The following SSPN variants were observed in gnomAD, a reference collection of about 807,000 sequenced individuals.
SSPN encodes the protein K-ras oncogene-associated protein.
Under a neutral mutation model 19.1 loss-of-function variants are expected in SSPN, and 15 were observed. That is an observed-to-expected ratio of 0.78 (90% confidence interval 0.52 to 1.21). The LOEUF is 1.21. Among genes scored for constraint, SSPN ranks in the 50% most tolerant of loss-of-function variants. SSPN has a pLI of 0.00. For missense variants in SSPN, 291 were observed against 314.0 expected (o/e 0.93, Z 0.55); for synonymous variants, 147 against 140.3 (o/e 1.05, Z -0.34).
Position 26,195,781 on chromosome 12 carries a change from A to G in SSPN, c.109A>G (p.Lys37Glu). 1 of 1,518,670 alleles carries G rather than the reference A, an allele frequency of 6.6e-7. No individual in the cohort carries two copies. Among genetic ancestry groups the G allele is most frequent in the African/African-American group, 1.4e-5 (1 of 70,414 alleles). The allele number at this position is 1,518,670 out of a possible 1,614,324, so 94.1% of individuals were successfully genotyped here. Residue 37 changes from lysine to glutamate, a missense_variant, in exon 1 of 3, where the codon AAG becomes GAG. Lys to Glu is a moderately conservative substitution (Grantham distance 56). This residue lies in a region of SSPN where 139 missense variants were observed against 119.6 expected (regional missense o/e 1.16). Coordinates refer to ENST00000242729, the MANE Select transcript of SSPN (RefSeq NM_005086.5). The stretch of plus-strand genomic sequence containing the variant: ...GCCGAAGAAGGGCACGGGGGCCCCC[A>G]AGGAGTGCGGGGAGGAGGAGCCCCG... Reference protein sequence around the residue: ...MEPKKGTGAPKECGEEEPRTC... With the variant: ...MEPKKGTGAPEECGEEEPRTC...
At chr12:26,178,931 G>A (rs1944701504) in intron 1 of SSPN, among the ~76,000 whole-genome samples, 1 of 152,170 alleles carries the variant, frequency 6.6e-6, no homozygotes, top group African/African-American at 2.4e-5. Context: ...CTCACCATGG[G>A]CCAGTCTATG....
In SSPN at chr12:26,232,498, G is replaced by C; in HGVS notation, c.*1422G>C. 1 of 985,320 alleles carries C rather than the reference G, an allele frequency of 1.0e-6. No homozygotes were observed. Among genetic ancestry groups the C allele is most frequent in the South Asian group, 4.7e-5 (1 of 21,290 alleles). 61.0% of individuals were successfully genotyped at this position (985,320 alleles called of 1,614,324 possible). On this transcript the variant is annotated 3_prime_UTR_variant, in exon 3 of 3. Coordinates refer to ENST00000242729, the MANE Select transcript of SSPN (RefSeq NM_005086.5). ...ATGCTTTGTTGAAAGCAGAAATTAA[G>C]ATAATAATTGAGTTCAATTCGCCTC...
rs1945245864 is a variant in SSPN at position 26,232,682 on chromosome 12, TAA to T, written c.*1607_*1608del. On this transcript the variant is annotated 3_prime_UTR_variant, in exon 3 of 3. Coordinates refer to ENST00000242729, the MANE Select transcript of SSPN (RefSeq NM_005086.5). ...AAATATCCAGTATAAAGGAAAGCGTTAAGTCGGTAAGCTAGAGGATTGTAAAT... is the reference window on the plus strand; with the variant it reads ...AAATATCCAGTATAAAGGAAAGCGTTGTCGGTAAGCTAGAGGATTGTAAAT... 1.0e-6 allele frequency: 1 copy of T among 985,044 alleles called. No individual in the cohort carries two copies. The allele number at this position is 985,044 out of a possible 1,614,324, so 61.0% of individuals were successfully genotyped here. A position where few individuals can be genotyped will look rare whatever the true frequency, so the allele number is the denominator to read the frequency against.
intron 1 of SSPN, among the ~76,000 whole-genome samples, chr12:26,218,018 G>T (rs1394722314): frequency 3.3e-5 from 5 of 151,446 alleles, no homozygotes; most frequent in African/African-American, 9.7e-5. Context: ...ACATGCACAC[G>T]TATGTTTATT....
At chr12:26,172,898 T>C (rs1026757945) in intron 1 of SSPN, among the ~76,000 whole-genome samples, 1 of 152,152 alleles carries the variant, frequency 6.6e-6, no homozygotes, top group African/African-American at 2.4e-5. Context: ...CTATCTATTG[T>C]TCCAATCTCC....
chr12:26,201,524 T>TA (rs11442796), intron 1 of SSPN, among the ~76,000 whole-genome samples: 12,443 of 152,154 alleles, frequency 0.082, 968 homozygotes, highest in African/African-American at 0.2. Flanking sequence ...CGCCTCTACT[T>TA]ACAGCCTTCT....
Position 26,195,705 on chromosome 12 carries a change from G to C in SSPN, c.33G>C (p.Gln11His), listed in dbSNP as rs1405234142. 1 of 1,147,722 alleles carries C rather than the reference G, an allele frequency of 8.7e-7. No individual in the cohort carries two copies. The highest frequency in any genetic ancestry group is 4.4e-5 in the Admixed American group (1 of 22,936). 71.1% of individuals were successfully genotyped at this position (1,147,722 alleles called of 1,614,324 possible). A position where few individuals can be genotyped will look rare whatever the true frequency, so the allele number is the denominator to read the frequency against. ...AGAACAAGCAGCCACGCGGCCAGCA[G>C]AGGCAGGGGGGCCCGCCGGCCGCGG... is the stretch of plus-strand genomic sequence containing the variant. MGKNKQPRGQ[Q>H]RQGGPPAADA... Residue 11 changes from glutamine (Q) to histidine (H), a missense_variant, in exon 1 of 3, where the codon CAG becomes CAC. Physicochemically the swap from Gln to His is conservative, Grantham distance 24. Around this residue, in one of 3 missense-constraint regions of SSPN, gnomAD observed 139 missense variants for 119.6 expected, o/e 1.16. Coordinates refer to ENST00000242729, the MANE Select transcript of SSPN (RefSeq NM_005086.5).
chr12:26,193,858 TA>T (rs372357836), upstream of SSPN, among the ~76,000 whole-genome samples: 381 of 152,312 alleles, frequency 2.5e-3, no homozygotes, highest in African/African-American at 7.7e-3. Context: ...ATGGAAGGCA[TA>T]AGGAGAACAC....
chr12:26,201,047 T>TATATATATATATATATATATATAAA (rs1565685553), intron 1 of SSPN, among the ~76,000 whole-genome samples: 2 of 51,038 alleles, frequency 3.9e-5, no homozygotes, highest in Non-Finnish European at 6.7e-5. Flanking sequence ...ATATATATAT[T>TATATATATATATATATATATATAAA]ATATATATAT....
chr12:26,174,686 C>T (rs1361160785), intron 1 of SSPN, among the ~76,000 whole-genome samples: 1 of 151,868 alleles, frequency 6.6e-6, no homozygotes, highest in Non-Finnish European at 1.5e-5. Flanking sequence ...ACACCCGGCT[C>T]ATTTTTGTAT....
In SSPN at chr12:26,145,062, G is replaced by A. The variant is rs1045426536; in HGVS notation, c.-31+22910G>A. On this transcript the variant is annotated intron_variant, in intron 1 of 2. Transcript: ENST00000538142. ...AACCAAATTCACATTAGCTGAAGCAGTGAGAGATTTTTGGTCTATGTAACC... is the reference window on the plus strand; with the variant it reads ...AACCAAATTCACATTAGCTGAAGCAATGAGAGATTTTTGGTCTATGTAACC... Among the ~76,000 whole-genome samples the A allele has an allele frequency of 3.3e-5, 5 of 152,350 alleles. No individual in the cohort carries two copies. The South Asian group carries it at 1.0e-3, about 32-fold the overall frequency.
chr12:26,230,942 A>G lies in SSPN; in HGVS notation c.598A>G (p.Ile200Val), dbSNP rs149130583. The G allele has an allele frequency of 3.0e-5, 49 of 1,614,010 alleles. No individual in the cohort carries two copies. The highest frequency in any genetic ancestry group is 4.0e-5 in the Non-Finnish European group (47 of 1,180,044). Residue 200 changes from isoleucine to valine, a missense_variant, in exon 3 of 3, where the codon ATT (isoleucine) becomes GTT (valine). By Grantham distance (29) the Ile-to-Val change is conservative. This residue lies in a region of SSPN where 141 missense variants were observed against 166.7 expected (regional missense o/e 0.85). Transcript: ENST00000242729. ...CAAACTGTTCTTACTCATCCAGATG[A>G]TTCTTAATTTGGTCTGCGGCCTTGT... ...TFKLFLLIQMILNLVCGLVCL... is the reference protein window; with the variant it reads ...TFKLFLLIQMVLNLVCGLVCL...
intron 1 of SSPN, among the ~76,000 whole-genome samples, chr12:26,198,166 T>TG (rs112034883): frequency 0.021 from 3,060 of 149,202 alleles, 30 homozygotes; most frequent in African/African-American, 0.022. Context: ...CTTTGAGTTT[T>TG]GGGGGGGGGT....
At chr12:26,176,462 A>G (rs1022971195) in intron 1 of SSPN, among the ~76,000 whole-genome samples, 1 of 151,802 alleles carries the variant, frequency 6.6e-6, no homozygotes, top group African/African-American at 2.4e-5. Context: ...AATTAAGACA[A>G]ACTCTAAATA....
chr12:26,233,800 G>T lies in SSPN; in HGVS notation c.*2724G>T, dbSNP rs1945259819. 6.6e-6 allele frequency: 1 copy of T among 152,232 alleles called. No individual in the cohort carries two copies. The highest frequency in any genetic ancestry group is 2.4e-5 in the African/African-American group (1 of 41,434). 9.4% of individuals were successfully genotyped at this position (152,232 alleles called of 1,614,324 possible). ...AATGAATCAAGACTTTGGAAAGACG[G>T]GGAAGAGCCGGGACTTGGCAGTACT... On this transcript the variant is annotated 3_prime_UTR_variant, in exon 3 of 3. Transcript: ENST00000242729. The surrounding 1 kb of genome is among the most constrained non-coding windows in gnomAD (Gnocchi z 4.3).
intron 1 of SSPN, among the ~76,000 whole-genome samples, chr12:26,148,743 G>T (rs535984936): frequency 1.3e-5 from 2 of 152,098 alleles, no homozygotes; most frequent in Admixed American, 1.3e-4. Flanking sequence ...TCTCTCAGTT[G>T]TGCTTCTAGG....
At chr12:26,133,610 C>A (rs1944408501) in intron 1 of SSPN, among the ~76,000 whole-genome samples, 1 of 10,414 alleles carries the variant, frequency 9.6e-5, no homozygotes, top group Non-Finnish European at 2.7e-3. Context: ...TCCAGAAAAT[C>A]TTGACAATTG....
intron 1 of SSPN, among the ~76,000 whole-genome samples, chr12:26,157,375 C>T (rs1172214374): frequency 6.6e-6 from 1 of 152,188 alleles, no homozygotes; most frequent in Non-Finnish European, 1.5e-5. Context: ...GAAATACATT[C>T]TCATTCTTGG....
intron 1 of SSPN, among the ~76,000 whole-genome samples, chr12:26,151,831 C>T (rs928026185): frequency 9.2e-4 from 140 of 152,288 alleles, no homozygotes; most frequent in Admixed American, 7.4e-3. Context: ...TCTAATCTTC[C>T]TCATGTGCCC....
Sources: gnomAD v4.1 joint callset for allele counts (sites outside exome capture counted in the v4.1 genomes callset) on GRCh38, gnomAD v4.1.1 for gene constraint, gnomAD v4.1.1 regional missense constraint, Gnocchi (gnomAD v3.1) non-coding constraint, MANE v1.5 for transcripts, NCBI Gene and HGNC (gene_info 2026-07-23, HGNC 2026-07-21) for gene names.